Variants in PRKD3 observed in about 807,000 individuals in gnomAD.
PRKD3 encodes protein kinase D3.
A neutral mutation model predicts 99.2 loss-of-function variants in PRKD3; 47 were observed. That is an observed-to-expected ratio of 0.47 (90% confidence interval 0.38 to 0.60). The LOEUF (loss-of-function observed/expected upper bound fraction) is 0.60. PRKD3 is among the 20% of genes least tolerant of loss of function. The pLI is 0.00. For missense variants in PRKD3, 1,019 were observed against 1,088.4 expected (o/e 0.94, Z 0.90); for synonymous variants, 392 against 355.4 (o/e 1.10, Z -1.16).
At chr2:37,316,053 A>G (rs1049008473) in intron 2 of PRKD3, among the ~76,000 whole-genome samples, 184 bp downstream of exon 2, 6 of 152,196 alleles carry the variant, frequency 3.9e-5, no homozygotes, top group South Asian at 2.1e-4. Context: ...TCTGGGATAT[A>G]TGTTCCAATT....
chr2:37,314,306 G>A (rs893376742), intron 2 of PRKD3, among the ~76,000 whole-genome samples: 3 of 152,098 alleles, frequency 2.0e-5, no homozygotes, highest in Non-Finnish European at 4.4e-5. Context: ...TTACTATATC[G>A]ATTTTATGCT....
Position 37,316,309 on chromosome 2 carries a change from A to C in PRKD3, c.216T>G (p.Ser72Arg). Residue 72 changes from serine (S) to arginine (R), a missense_variant, in exon 2 of 19, where the codon AGT becomes AGG. Ser to Arg is a moderately radical substitution (Grantham distance 110, BLOSUM62 -1). Around this residue, in one of 3 missense-constraint regions of PRKD3, gnomAD observed 710 missense variants for 692.7 expected, o/e 1.02. Coordinates refer to ENST00000234179, the MANE Select transcript of PRKD3 (RefSeq NM_005813.6). ...ACAGTTCCTGGGCTTCAATGGTAAC[A>C]CTCTCCCGTGTGAGGCCAATTTGCA... ...FLLQIGLTRE[S>R]VTIEAQELSL... 1.2e-6 allele frequency: 2 copies of C among 1,614,122 alleles called. No individual in the cohort carries two copies. Among genetic ancestry groups the C allele is most frequent in the Non-Finnish European group, 1.7e-6 (2 of 1,180,036 alleles).
intron 14 of PRKD3, among the ~76,000 whole-genome samples, chr2:37,261,850 G>T (rs931468116): frequency 6.6e-6 from 1 of 152,000 alleles, no homozygotes; most frequent in Non-Finnish European, 1.5e-5. Flanking sequence ...ACTGTAGAAT[G>T]GTACAAAAGT....
rs867018275 is a variant in PRKD3 at position 37,256,682 on chromosome 2, C to T, written c.2393G>A (p.Trp798Ter). 1 of 1,058,600 alleles carries T rather than the reference C, an allele frequency of 9.4e-7. No individual in the cohort carries two copies. The highest frequency in any genetic ancestry group is 1.4e-6 in the Non-Finnish European group (1 of 735,530). 65.6% of individuals were successfully genotyped at this position (1,058,600 alleles called of 1,614,324 possible). ...NAAFMYPPNP[W>*]REISGEAIDL... ...TTTACCTTCACCAGAAATTTCTCTC[C>T]ATGGATTTGGTGGGTACATAAATGC... Residue 798 changes from tryptophan (W) to a stop codon, truncating the protein, a stop_gained, in exon 17 of 19, where the codon TGG (tryptophan) becomes TAG (stop). Transcript: ENST00000234179. LOFTEE classifies it high-confidence loss of function.
At position 37,256,966 on chromosome 2, in the gene PRKD3, G is replaced by C. The variant is rs780598673; in HGVS notation, c.2146-37C>G. 2.5e-6 allele frequency: 4 copies of C among 1,608,724 alleles called. No individual in the cohort carries two copies. The South Asian group carries it at 4.4e-5, about 18-fold the overall frequency. On this transcript the variant is annotated intron_variant, in intron 16 of 18. Transcript: ENST00000234179. ...AGGATGATGTTAATTTTGTATTATA[G>C]TGTTATATATGTAACTACCTGTCCC...
intron 14 of PRKD3, among the ~76,000 whole-genome samples, chr2:37,263,293 C>A (rs1386094204): frequency 2.0e-5 from 3 of 152,098 alleles, no homozygotes; most frequent in Non-Finnish European, 4.4e-5. Flanking sequence ...TTAAAGTTTT[C>A]ATGTAGGAGC....
At chr2:37,273,109 C>A (rs897794177) in intron 11 of PRKD3, among the ~76,000 whole-genome samples, 1 of 152,086 alleles carries the variant, frequency 6.6e-6, no homozygotes, top group Non-Finnish European at 1.5e-5. Context: ...AGTTTTTATA[C>A]ACTTCTAAAT....
chr2:37,266,928 G>GC (rs1339760812), intron 14 of PRKD3, among the ~76,000 whole-genome samples: 1 of 152,100 alleles, frequency 6.6e-6, no homozygotes, highest in Non-Finnish European at 1.5e-5. Flanking sequence ...CTAGATGACC[G>GC]CCCCCAAGGG....
At chr2:37,286,430 G>C (rs1357860548) in intron 5 of PRKD3, 61 bp from the exon 6 acceptor site, 36 of 1,358,358 alleles carry the variant, frequency 2.7e-5, no homozygotes, top group Non-Finnish European at 3.6e-5. Context: ...AGTGGGAGCA[G>C]AGCTTAACCA....
chr2:37,305,166 G>A (rs564073624), intron 2 of PRKD3, among the ~76,000 whole-genome samples: 1 of 152,102 alleles, frequency 6.6e-6, no homozygotes, highest in Admixed American at 6.5e-5. Context: ...TACAGCTGGG[G>A]TGTTCAGTGT....
chr2:37,321,008 C>T (rs1216234744), intron 1 of PRKD3, among the ~76,000 whole-genome samples: 1 of 152,176 alleles, frequency 6.6e-6, no homozygotes, highest in Non-Finnish European at 1.5e-5. Context: ...GAAGATGCAA[C>T]AAGATGTTGG....
chr2:37,318,060 T>G (rs12616151), intron 1 of PRKD3, among the ~76,000 whole-genome samples: 50,388 of 151,726 alleles, frequency 0.33, 9,110 homozygotes, highest in East Asian at 0.43. Flanking sequence ...CTAAGTTCCA[T>G]CTATATACCC....
intron 2 of PRKD3, among the ~76,000 whole-genome samples, chr2:37,295,769 C>A (rs912564668): frequency 6.6e-6 from 1 of 151,950 alleles, no homozygotes; most frequent in Admixed American, 6.6e-5. Flanking sequence ...CTAATGTATA[C>A]CTAAAAGGGA....
chr2:37,253,201 T>C lies in PRKD3; in HGVS notation c.2649A>G (p.Pro883=). 6.2e-7 allele frequency: 1 copy of C among 1,604,846 alleles called. No individual in the cohort carries two copies. The highest frequency in any genetic ancestry group is 8.5e-7 in the Non-Finnish European group (1 of 1,175,400). ...YPKHFIMAPN[P]DDMEEDP The stretch of plus-strand genomic sequence containing the variant: ...ATTAAGGATCTTCTTCCATATCATC[T>C]GGATTAGGAGCCATAATGAAGTGCT... Residue 883 remains proline (P), a synonymous_variant, in exon 19 of 19, where the codon CCA becomes CCG. Transcript: ENST00000234179.
intron 13 of PRKD3, 105 bp downstream of exon 13, chr2:37,269,510 A>G (rs1669076979): frequency 1.1e-6 from 1 of 931,952 alleles, no homozygotes; most frequent in South Asian, 1.4e-5. Flanking sequence ...TTTAAAAAAA[A>G]GGCACTGGAC....
chr2:37,309,461 T>A (rs182403119), intron 2 of PRKD3, among the ~76,000 whole-genome samples: 27 of 152,360 alleles, frequency 1.8e-4, no homozygotes, highest in Admixed American at 2.6e-4. Context: ...ACTTACTCAC[T>A]GCTCAACAAT....
At chr2:37,269,520 C>T (rs1669080715) in intron 13 of PRKD3, 95 bp downstream of exon 13, 1 of 1,122,718 alleles carries the variant, frequency 8.9e-7, no homozygotes, top group African/African-American at 1.5e-5. Flanking sequence ...AGGCACTGGA[C>T]AAAACTATGA....
intron 3 of PRKD3, 85 bp from the exon 4 acceptor site, chr2:37,291,084 G>C: frequency 8.0e-7 from 1 of 1,243,256 alleles, no homozygotes; most frequent in South Asian, 1.9e-5. Flanking sequence ...TTATGTCAAA[G>C]TACACAGAAT....
Position 37,275,820 on chromosome 2 carries a change from C to A in PRKD3, c.1321G>T (p.Asp441Tyr). ...NLRKRHYWRL[D>Y]SKCLTLFQNE... ...TGAAATAATGTTAGACATTTGCTGTCAAGTCTCCAATAATGCCTCTTTCTC... is the reference window on the plus strand; with the variant it reads ...TGAAATAATGTTAGACATTTGCTGTAAAGTCTCCAATAATGCCTCTTTCTC... Residue 441 changes from aspartate to tyrosine, a missense_variant, in exon 10 of 19, where the codon GAC becomes TAC. Physicochemically the swap from Asp to Tyr is radical, Grantham distance 160. This residue lies in a region of PRKD3 where 710 missense variants were observed against 692.7 expected (regional missense o/e 1.02). Transcript: ENST00000234179. The A allele has an allele frequency of 6.2e-7, 1 of 1,608,318 alleles. No individual in the cohort carries two copies. Among genetic ancestry groups the A allele is most frequent in the South Asian group, 1.1e-5 (1 of 89,398 alleles).
Sources: allele counts gnomAD v4.1 joint callset (sites outside exome capture counted in the v4.1 genomes callset), GRCh38; gene constraint gnomAD v4.1.1; regional missense constraint gnomAD v4.1.1; transcripts MANE v1.5; gene names NCBI Gene and HGNC (gene_info 2026-07-23, HGNC 2026-07-21).